The following MGAM variants were observed in gnomAD, a reference collection of about 807,000 sequenced individuals.
The protein encoded by MGAM is alpha-1,4-glucosidase.
MGAM carries 253 observed loss-of-function variants against 358.8 expected under a neutral mutation model. The observed-to-expected ratio is 0.71, with a 90% CI of 0.64 to 0.78. The LOEUF is 0.78. MGAM is among the 30% of genes least tolerant of loss of function. MGAM has a pLI of 0.00. For synonymous variants in MGAM, 1,105 were observed against 1,227.1 expected, an observed-to-expected ratio of 0.90 and a Z score of 2.08; for missense variants, 3,080 against 3,432.6, an observed-to-expected ratio of 0.90 and a Z score of 2.57.
intron 65 of MGAM, 96 bp downstream of exon 65, chr7:142,096,511 A>G: frequency 7.0e-7 from 1 of 1,418,876 alleles, no homozygotes; most frequent in Admixed American, 1.8e-5. Context: ...GGGTCCTAAG[A>G]CATGGTTTCT....
chr7:142,094,999 C>A, intron 63 of MGAM, 136 bp downstream of exon 63: 1 of 874,512 alleles, frequency 1.1e-6, no homozygotes, highest in Non-Finnish European at 1.7e-6. Context: ...AAGACTCATT[C>A]TATTGCCTAA....
At chr7:142,101,895 C>T (rs532918307) in intron 68 of MGAM, among the ~76,000 whole-genome samples, 79 of 134,340 alleles carry the variant, frequency 5.9e-4, no homozygotes, top group African/African-American at 1.8e-3. Context: ...GCAACAAGAG[C>T]GAAACTCTGT....
chr7:142,055,014 T>G, intron 27 of MGAM, 106 bp downstream of exon 27: 1 of 1,207,930 alleles, frequency 8.3e-7, no homozygotes, highest in Non-Finnish European at 1.2e-6. Flanking sequence ...ATTGTCCACT[T>G]CCAGATCCAT....
At position 142,088,820 on chromosome 7, in the gene MGAM, ACCATCTAT is replaced by A. The variant is rs759435218; in HGVS notation, c.6810+2105_6810+2112del. Among the ~76,000 whole-genome samples the A allele has an allele frequency of 7.3e-3, 596 of 81,246 alleles. 67 individuals carry two copies. Among genetic ancestry groups the A allele is most frequent in the Middle Eastern group, 0.031 (4 of 130 alleles). The allele number at this position is 81,246 out of a possible 152,430, so 53.3% of individuals were successfully genotyped here. On this transcript the variant is annotated intron_variant, in intron 57 of 70. Coordinates refer to ENST00000475668, the MANE Select transcript of MGAM (RefSeq NM_001365693.1). ...ATCTATCATTCTATCCTATCTATGTACCATCTATCTATCTATCTATCTATCTATCTATC... is the reference window on the plus strand; with the variant it reads ...ATCTATCATTCTATCCTATCTATGTACTATCTATCTATCTATCTATCTATC...
In MGAM at chr7:142,076,878, T is replaced by C. The variant is rs1267740769; in HGVS notation, c.5493+52T>C. 5.3e-5 allele frequency: 80 copies of C among 1,511,968 alleles called. 11 individuals are homozygous for C. The highest frequency in any genetic ancestry group is 7.2e-5 in the Non-Finnish European group (79 of 1,097,606). 93.7% of individuals were successfully genotyped at this position (1,511,968 alleles called of 1,614,324 possible). On this transcript the variant is annotated intron_variant, in intron 47 of 70. Coordinates refer to ENST00000475668, the MANE Select transcript of MGAM (RefSeq NM_001365693.1). ...ACATTGAGAATTCTCCATAGCACCA[T>C]GATGTTTCTTCTTGCCAAGTTTGCA...
At chr7:142,026,070 A>G (rs975340766) in intron 8 of MGAM, among the ~76,000 whole-genome samples, 7 of 152,214 alleles carry the variant, frequency 4.6e-5, no homozygotes, top group Non-Finnish European at 8.8e-5. Context: ...AGTTGTTCCT[A>G]TGACCAAAGA....
chr7:142,087,286 G>T (rs557307899), intron 57 of MGAM, among the ~76,000 whole-genome samples: 8 of 145,470 alleles, frequency 5.5e-5, no homozygotes, highest in African/African-American at 1.7e-4. Context: ...TGTAAAACTT[G>T]CTCTCTTCTG....
chr7:142,062,707 G>T lies in MGAM; in HGVS notation c.4257+5G>T. On this transcript the variant is annotated splice_donor_5th_base_variant and intron_variant, in intron 35 of 70. Coordinates refer to ENST00000475668, the MANE Select transcript of MGAM (RefSeq NM_001365693.1). The stretch of plus-strand genomic sequence containing the variant: ...AAGTTTGATGGCATGTGGATTGTAA[G>T]TGTGTGTGTGTCTCTGTGTACCAGT... 1 of 1,605,816 alleles carries T rather than the reference G, an allele frequency of 6.2e-7. No individual in the cohort carries two copies. The highest frequency in any genetic ancestry group is 8.5e-7 in the Non-Finnish European group (1 of 1,176,050).
At chr7:142,039,103 C>CTTT (rs35054393) in intron 19 of MGAM, among the ~76,000 whole-genome samples, 13 of 118,952 alleles carry the variant, frequency 1.1e-4, no homozygotes, top group African/African-American at 3.5e-4. Context: ...TTGCCACACA[C>CTTT]TTTTTTTTTT....
At chr7:142,024,540 G>A (rs1301481612) in intron 7 of MGAM, among the ~76,000 whole-genome samples, 2 of 152,092 alleles carry the variant, frequency 1.3e-5, no homozygotes, top group Non-Finnish European at 2.9e-5. Flanking sequence ...AGTTACCTGG[G>A]GAAGTTAAAA....
chr7:142,005,789 T>C, intron 2 of MGAM, 132 bp downstream of exon 2: 1 of 873,198 alleles, frequency 1.1e-6, no homozygotes, highest in Admixed American at 3.1e-5. Context: ...ATGTGTGTGT[T>C]CTATGTGTTT....
chr7:142,052,534 A>G, intron 25 of MGAM, 88 bp downstream of exon 25: 3 of 1,517,402 alleles, frequency 2.0e-6, no homozygotes, highest in Non-Finnish European at 2.7e-6. Context: ...TTACATAACT[A>G]CTTAAAATCC....
chr7:142,060,421 G>A (rs1182385789), intron 34 of MGAM, 48 bp downstream of exon 34: 1 of 1,595,608 alleles, frequency 6.3e-7, no homozygotes, highest in Admixed American at 1.7e-5. Flanking sequence ...TTGTAGGCAG[G>A]GGCAGCTGTT....
At chr7:142,045,071 CGTG>C in intron 21 of MGAM, among the ~76,000 whole-genome samples, 1 of 57,900 alleles carries the variant, frequency 1.7e-5, no homozygotes, top group Non-Finnish European at 3.4e-5. Flanking sequence ...ATTATATATA[CGTG>C]TAATATATGA....
intron 45 of MGAM, among the ~76,000 whole-genome samples, chr7:142,075,248 G>T (rs1813644236): frequency 6.8e-6 from 1 of 146,354 alleles, no homozygotes; most frequent in Non-Finnish European, 1.5e-5. Flanking sequence ...TTCATCCACT[G>T]ATAGACACTT....
At chr7:142,078,270 G>C in intron 47 of MGAM, 48 bp from the exon 48 acceptor site, 1 of 1,325,184 alleles carries the variant, frequency 7.5e-7, no homozygotes, top group Non-Finnish European at 1.0e-6. Flanking sequence ...ATTTTGCAAG[G>C]CCTTTCTCCC....
At position 142,047,526 on chromosome 7, in the gene MGAM, T is replaced by C. The variant is rs561220958; in HGVS notation, c.2499-259T>C. Among the ~76,000 whole-genome samples the C allele has an allele frequency of 3.3e-5, 5 of 152,292 alleles. No individual in the cohort carries two copies. The South Asian group carries it at 1.0e-3, about 32-fold the overall frequency. The stretch of plus-strand genomic sequence containing the variant: ...GTTGCAGAAGCAGCTTTTATTTGAG[T>C]TATTGCAGTGCCTCTGGTGCTTAAG... On this transcript the variant is annotated intron_variant, in intron 21 of 70. Transcript: ENST00000475668.
chr7:142,083,925 CAGT>C (rs57238849), intron 53 of MGAM, among the ~76,000 whole-genome samples: 24,590 of 141,116 alleles, frequency 0.17, 5,538 homozygotes, highest in African/African-American at 0.46. Flanking sequence ...GTGGTGGTGA[CAGT>C]GGGGTGGTGT....
rs549927783 is a variant in MGAM, at chr7:142,044,184, C to T, written c.2498+3338C>T. On this transcript the variant is annotated intron_variant, in intron 21 of 70. Transcript: ENST00000475668. The stretch of plus-strand genomic sequence containing the variant: ...ATAATATATACATTATATACACATA[C>T]GACATATAATATATAATATATACAT... Among the ~76,000 whole-genome samples, 18 of 124,022 alleles carry T rather than the reference C, an allele frequency of 1.5e-4. 2 individuals are homozygous for T. The highest frequency in any genetic ancestry group is 4.5e-4 in the Admixed American group (5 of 11,200). The allele number at this position is 124,022 out of a possible 152,430, so 81.4% of individuals were successfully genotyped here. A position where few individuals can be genotyped will look rare whatever the true frequency, so the allele number is the denominator to read the frequency against.
Sources: gnomAD v4.1 joint callset for allele counts (sites outside exome capture counted in the v4.1 genomes callset) on GRCh38, gnomAD v4.1.1 for gene constraint, MANE v1.5 for transcripts, NCBI Gene and HGNC (gene_info 2026-07-23, HGNC 2026-07-21) for gene names.